Variants in CTNNA2 observed in about 807,000 individuals in gnomAD.
CTNNA2 encodes the protein catenin alpha 2, also known as catenin alpha-2.
Under a neutral mutation model 101.0 loss-of-function variants are expected in CTNNA2, and 42 were observed. The observed-to-expected ratio is 0.42, with a 90% CI of 0.32 to 0.54. The LOEUF (loss-of-function observed/expected upper bound fraction) is 0.54. Ranked by LOEUF, CTNNA2 falls within the 20% of genes least tolerant of loss-of-function variation. CTNNA2 has a pLI of 0.14. For synonymous variants in CTNNA2, 450 were observed against 456.4 expected, an observed-to-expected ratio of 0.99 and a Z score of 0.18; for missense variants, 871 against 1,223.1, an observed-to-expected ratio of 0.71 and a Z score of 4.29.
chr2:79,522,263 G>A (rs576163705), intron 1 of CTNNA2, among the ~76,000 whole-genome samples: 3 of 152,074 alleles, frequency 2.0e-5, no homozygotes, highest in Admixed American at 6.6e-5. Flanking sequence ...CTCTGAACTC[G>A]CTCCATCTTC....
intron 18 of CTNNA2, among the ~76,000 whole-genome samples, chr2:80,639,019 TAAGGAAGC>T (rs2149848763): frequency 6.6e-6 from 1 of 150,832 alleles, no homozygotes; most frequent in East Asian, 2.0e-4. Flanking sequence ...TGGCATTACT[TAAGGAAGC>T]CCTGAAGAAA....
chr2:80,071,685 G>A (rs1698352869), intron 7 of CTNNA2, among the ~76,000 whole-genome samples: 1 of 152,192 alleles, frequency 6.6e-6, no homozygotes, highest in South Asian at 2.1e-4. Flanking sequence ...TAGTGTGGCG[G>A]AGGGGAGAGA....
intron 3 of CTNNA2, among the ~76,000 whole-genome samples, chr2:79,763,559 G>A (rs952571721): frequency 6.6e-6 from 1 of 152,110 alleles, no homozygotes; most frequent in East Asian, 1.9e-4. Flanking sequence ...ATTATTATAA[G>A]TACTAAACTA....
At position 80,098,859 on chromosome 2, in the gene CTNNA2, G is replaced by A. The variant is rs55994065; in HGVS notation, c.1056+189062G>A. Among the ~76,000 whole-genome samples, 451 of 152,266 alleles carry A rather than the reference G, an allele frequency of 3.0e-3. 3 individuals are homozygous for A. The highest frequency in any genetic ancestry group is 9.7e-3 in the African/African-American group (402 of 41,570). On this transcript the variant is annotated intron_variant, in intron 7 of 18. Transcript: ENST00000402739. Reference sequence around the variant, plus strand: ...CGTTTGTTAAGCCTGTTGGAAAAGCGCAGTATTCGGGTGGAAGTAACCCGA... The same window carrying A: ...CGTTTGTTAAGCCTGTTGGAAAAGCACAGTATTCGGGTGGAAGTAACCCGA...
intron 7 of CTNNA2, among the ~76,000 whole-genome samples, chr2:79,985,212 C>T (rs1306303090): frequency 1.3e-5 from 2 of 152,172 alleles, no homozygotes; most frequent in East Asian, 1.9e-4. Flanking sequence ...CCGTAGATAA[C>T]TCATTATTCC....
chr2:79,686,375 C>A (rs974688253), intron 2 of CTNNA2, among the ~76,000 whole-genome samples: 3 of 152,166 alleles, frequency 2.0e-5, no homozygotes, highest in Non-Finnish European at 4.4e-5. Context: ...AATATGAAAA[C>A]TTCCTGCTCA....
chr2:80,525,535 AC>A (rs992135514), intron 9 of CTNNA2, among the ~76,000 whole-genome samples: 1 of 152,114 alleles, frequency 6.6e-6, no homozygotes, highest in African/African-American at 2.4e-5. Context: ...AAAACAAACA[AC>A]AACAAAAACC....
intron 9 of CTNNA2, among the ~76,000 whole-genome samples, chr2:80,458,204 A>G (rs1684144145): frequency 1.3e-5 from 2 of 152,204 alleles, no homozygotes; most frequent in Non-Finnish European, 2.9e-5. Flanking sequence ...AATTCTATTT[A>G]GGTCAGTTGA....
At chr2:80,504,777 C>G (rs1179789256) in intron 9 of CTNNA2, among the ~76,000 whole-genome samples, 1 of 152,166 alleles carries the variant, frequency 6.6e-6, no homozygotes, top group Non-Finnish European at 1.5e-5. Context: ...ACTGCCTGAC[C>G]TAGGGTCAAT....
chr2:80,520,197 A>G (rs1307900143), intron 9 of CTNNA2, among the ~76,000 whole-genome samples: 4 of 152,022 alleles, frequency 2.6e-5, no homozygotes, highest in African/African-American at 9.7e-5. Context: ...AAAGATGGTG[A>G]ATGAACTCTG....
intron 2 of CTNNA2, among the ~76,000 whole-genome samples, chr2:79,673,920 C>A (rs937874197): frequency 1.3e-5 from 2 of 152,168 alleles, no homozygotes; most frequent in Non-Finnish European, 2.9e-5. Context: ...TGACCCCAGA[C>A]ACTAATTATT....
At chr2:79,338,578 ATCTTCTTCTTCT>A (rs70940029) in intron 3 of CTNNA2, among the ~76,000 whole-genome samples, 1,215 of 117,756 alleles carry the variant, frequency 0.01, 21 homozygotes, top group African/African-American at 0.036. Context: ...CCTCCTCATC[ATCTTCTTCTTCT>A]TCTTCTTCTT....
At chr2:79,998,264 TC>T (rs1692693805) in intron 7 of CTNNA2, among the ~76,000 whole-genome samples, 2 of 152,354 alleles carry the variant, frequency 1.3e-5, no homozygotes, top group South Asian at 4.1e-4. Flanking sequence ...TGTTGCCTGT[TC>T]TATTCAGAAG....
chr2:80,113,069 G>A (rs1701316741), intron 7 of CTNNA2, among the ~76,000 whole-genome samples: 1 of 152,156 alleles, frequency 6.6e-6, no homozygotes, highest in Non-Finnish European at 1.5e-5. Flanking sequence ...GCTTTACAGA[G>A]ATCTGGGAGC....
At chr2:79,288,685 T>G in intron 2 of CTNNA2, among the ~76,000 whole-genome samples, 1 of 152,300 alleles carries the variant, frequency 6.6e-6, no homozygotes, top group Non-Finnish European at 1.5e-5. Flanking sequence ...CCAACTGCTG[T>G]TTTTCTAAGG....
chr2:80,564,073 C>A (rs1227346222), intron 12 of CTNNA2, among the ~76,000 whole-genome samples: 3 of 152,124 alleles, frequency 2.0e-5, no homozygotes, highest in African/African-American at 7.2e-5. Flanking sequence ...AACATAATGA[C>A]ACAGTTACCT....
At chr2:79,981,473 A>G (rs1408290854) in intron 7 of CTNNA2, among the ~76,000 whole-genome samples, 1 of 152,068 alleles carries the variant, frequency 6.6e-6, no homozygotes, top group African/African-American at 2.4e-5. Context: ...TTTTTCAGCT[A>G]TTTTATTTGT....
At chr2:79,730,845 G>A (rs1048201060) in intron 2 of CTNNA2, among the ~76,000 whole-genome samples, 5 of 151,344 alleles carry the variant, frequency 3.3e-5, no homozygotes, top group Non-Finnish European at 7.4e-5. Context: ...GACAAAGGGA[G>A]ACCAAAAAAT....
chr2:79,776,443 G>T (rs2105173847), intron 3 of CTNNA2, among the ~76,000 whole-genome samples: 1 of 152,152 alleles, frequency 6.6e-6, no homozygotes, highest in Non-Finnish European at 1.5e-5. Flanking sequence ...CTACACTGAA[G>T]GTTTAAGGTA....
Sources: gnomAD v4.1 joint callset for allele counts (sites outside exome capture counted in the v4.1 genomes callset) on GRCh38, gnomAD v4.1.1 for gene constraint, MANE v1.5 for transcripts, NCBI Gene and HGNC (gene_info 2026-07-23, HGNC 2026-07-21) for gene names.